Variants in IQCJ observed in about 807,000 individuals in gnomAD.
IQCJ encodes the protein IQ motif containing J.
IQCJ carries 9 observed loss-of-function variants against 11.0 expected under a neutral mutation model. That is an observed-to-expected ratio of 0.82 (90% CI 0.49 to 1.43). IQCJ has a LOEUF of 1.43. IQCJ is among the 40% of genes most tolerant of loss of function. IQCJ has a pLI of 0.00. For synonymous variants in IQCJ, 55 were observed against 51.3 expected (o/e 1.07, Z -0.31); for missense variants, 146 against 133.2 (o/e 1.10, Z -0.47).
chr3:159,140,327 C>G (rs1720530349), intron 1 of IQCJ, among the ~76,000 whole-genome samples: 1 of 152,170 alleles, frequency 6.6e-6, no homozygotes, highest in Non-Finnish European at 1.5e-5. Context: ...TCTAGTGACT[C>G]TTCCTTGTGA....
chr3:159,202,931 T>C (rs1023564808), intron 1 of IQCJ, among the ~76,000 whole-genome samples: 8 of 152,154 alleles, frequency 5.3e-5, no homozygotes, highest in African/African-American at 1.9e-4. Flanking sequence ...TCTTTTCAGC[T>C]CAGTGATCAC....
intron 1 of IQCJ, among the ~76,000 whole-genome samples, chr3:159,086,064 C>G (rs1225754127): frequency 2.0e-5 from 3 of 152,048 alleles, no homozygotes; most frequent in Non-Finnish European, 1.5e-5. Context: ...AACATTTAAG[C>G]CTTTAATCCA....
Position 159,262,819 on chromosome 3 carries a change from C to A in IQCJ, c.*88C>A. ...AAGATCTATGTAGCTTATTTGCTAC[C>A]CAGGAACCCATGGTGAGAGTTTTGT... On this transcript the variant is annotated 3_prime_UTR_variant, in exon 4 of 4. Coordinates refer to ENST00000397832, the MANE Select transcript of IQCJ (RefSeq NM_001042706.3). 3.4e-6 allele frequency: 5 copies of A among 1,476,184 alleles called. No homozygotes were observed. Among genetic ancestry groups the A allele is most frequent in the South Asian group, 1.5e-5 (1 of 65,254 alleles). The allele number at this position is 1,476,184 out of a possible 1,614,324, so 91.4% of individuals were successfully genotyped here.
intron 1 of IQCJ, among the ~76,000 whole-genome samples, chr3:159,204,898 T>G (rs1253973008): frequency 6.6e-6 from 1 of 152,222 alleles, no homozygotes; most frequent in African/African-American, 2.4e-5. Context: ...TCCTGTGTCC[T>G]TGATGCTTTG....
chr3:159,231,227 C>T (rs529727825), intron 1 of IQCJ, among the ~76,000 whole-genome samples: 1 of 152,308 alleles, frequency 6.6e-6, no homozygotes, highest in South Asian at 2.1e-4. Flanking sequence ...TAGCCACATC[C>T]AGCTGTAAGA....
At chr3:159,254,162 G>A (rs926930356) in intron 3 of IQCJ, among the ~76,000 whole-genome samples, 4 of 152,204 alleles carry the variant, frequency 2.6e-5, no homozygotes, top group Non-Finnish European at 5.9e-5. Flanking sequence ...TTAAGATAAG[G>A]TCCTGTTAAA....
intron 1 of IQCJ, among the ~76,000 whole-genome samples, chr3:159,174,964 G>A (rs1373093916): frequency 6.6e-6 from 1 of 152,068 alleles, no homozygotes; most frequent in African/African-American, 2.4e-5. Context: ...ATATTGGCAA[G>A]TTGTTAGCCA....
chr3:159,161,594 A>G (rs1036253115), intron 1 of IQCJ, among the ~76,000 whole-genome samples: 2 of 152,170 alleles, frequency 1.3e-5, no homozygotes, highest in African/African-American at 4.8e-5. Context: ...TTTAGACATG[A>G]AGTCCTTGCC....
At chr3:159,198,753 G>C (rs980460239) in intron 1 of IQCJ, among the ~76,000 whole-genome samples, 1 of 152,104 alleles carries the variant, frequency 6.6e-6, no homozygotes, top group Non-Finnish European at 1.5e-5. Flanking sequence ...CAAAATGGAA[G>C]GAAATGTAGA....
chr3:159,200,963 A>T (rs970424330), intron 1 of IQCJ, among the ~76,000 whole-genome samples: 1 of 152,134 alleles, frequency 6.6e-6, no homozygotes, highest in African/African-American at 2.4e-5. Context: ...CTGTGTTCTG[A>T]TGAGAAGTTT....
At chr3:159,077,790 A>G (rs2108051875) in intron 1 of IQCJ, among the ~76,000 whole-genome samples, 1 of 152,226 alleles carries the variant, frequency 6.6e-6, no homozygotes, top group Non-Finnish European at 1.5e-5. Flanking sequence ...ATGGGCATAT[A>G]TTGCTTTTAC....
At chr3:159,179,160 C>T (rs1037649085) in intron 1 of IQCJ, among the ~76,000 whole-genome samples, 2 of 152,040 alleles carry the variant, frequency 1.3e-5, no homozygotes, top group Non-Finnish European at 2.9e-5. Context: ...CTAATCATTG[C>T]CCTCATGTCA....
chr3:159,173,859 A>G (rs1475087266), intron 1 of IQCJ, among the ~76,000 whole-genome samples: 1 of 152,166 alleles, frequency 6.6e-6, no homozygotes, highest in Non-Finnish European at 1.5e-5. Context: ...TTCCATCTGA[A>G]GACTTACATT....
chr3:159,141,932 A>T lies in IQCJ; in HGVS notation c.9+72491A>T, dbSNP rs150052685. ...CAATGATTACTGTACTTGCAACTTT[A>T]TCAGCTCCAGTTGTACCTTTTTGTT... On this transcript the variant is annotated intron_variant, in intron 1 of 3. Coordinates refer to ENST00000397832, the MANE Select transcript of IQCJ (RefSeq NM_001042706.3). Among the ~76,000 whole-genome samples, 154 of 152,334 alleles carry T rather than the reference A, an allele frequency of 1.0e-3. 1 individual carries two copies. The highest frequency in any genetic ancestry group is 3.4e-3 in the African/African-American group (143 of 41,584).
At chr3:159,136,181 C>CT (rs1476412974) in intron 1 of IQCJ, among the ~76,000 whole-genome samples, 1 of 152,048 alleles carries the variant, frequency 6.6e-6, no homozygotes. Context: ...AGAATGAAAC[C>CT]TTTTTATTCG....
intron 1 of IQCJ, among the ~76,000 whole-genome samples, chr3:159,172,420 A>AT (rs11304078): frequency 7.4e-4 from 112 of 150,662 alleles, no homozygotes; most frequent in African/African-American, 2.5e-3. Flanking sequence ...AGATGATGGA[A>AT]TTTTTTTTTT....
At chr3:159,210,856 G>C (rs1724914783) in intron 1 of IQCJ, among the ~76,000 whole-genome samples, 1 of 152,052 alleles carries the variant, frequency 6.6e-6, no homozygotes, top group Non-Finnish European at 1.5e-5. Flanking sequence ...ATTTTCAGTA[G>C]AGTTGGGATA....
chr3:159,072,677 A>G (rs1173783528), intron 1 of IQCJ, among the ~76,000 whole-genome samples: 2 of 152,132 alleles, frequency 1.3e-5, no homozygotes, highest in Non-Finnish European at 2.9e-5. Context: ...TGGGCCAGCT[A>G]TGGGCCAGGC....
chr3:159,248,910 G>A (rs1727429747), intron 2 of IQCJ, among the ~76,000 whole-genome samples: 1 of 151,296 alleles, frequency 6.6e-6, no homozygotes, highest in Admixed American at 6.6e-5. Flanking sequence ...AGGCTGGAAT[G>A]CAGTGGTGTG....
Sources: allele counts gnomAD v4.1 joint callset (sites outside exome capture counted in the v4.1 genomes callset), GRCh38; gene constraint gnomAD v4.1.1; transcripts MANE v1.5; gene names NCBI Gene and HGNC (gene_info 2026-07-23, HGNC 2026-07-21).